The following ZNF567 variants were observed in gnomAD, a reference collection of about 807,000 sequenced individuals.
The protein encoded by ZNF567 is zinc finger protein 567.
In ZNF567, 36 loss-of-function variants were observed where a neutral mutation model predicts 53.9. The ratio of observed to expected loss-of-function variants is 0.67; its 90% CI spans 0.51 to 0.88. The LOEUF (loss-of-function observed/expected upper bound fraction) is 0.88. ZNF567 is among the 40% of genes least tolerant of loss of function. The pLI, the probability that ZNF567 is intolerant of heterozygous loss-of-function variation, is 0.00. For missense variants in ZNF567, 619 were observed against 764.7 expected, an observed-to-expected ratio of 0.81 and a Z score of 2.25; for synonymous variants, 224 against 260.4, an observed-to-expected ratio of 0.86 and a Z score of 1.35.
At chr19:36,668,353 G>T in the ZNF567 span, 1 of 152,328 alleles carries the variant, frequency 6.6e-6, no homozygotes, top group African/African-American at 2.4e-5. Flanking sequence ...GGTGATACGT[G>T]ATGTGGCTTA....
At chr19:36,691,426 C>T (rs889558482) in intron 2 of ZNF567, among the ~76,000 whole-genome samples, 7 of 151,850 alleles carry the variant, frequency 4.6e-5, no homozygotes, top group African/African-American at 1.5e-4. Context: ...TTGGCCTCCT[C>T]AGGTGCTGGG....
In ZNF567 at chr19:36,720,518, C is replaced by T; in HGVS notation, c.1794C>T (p.Phe598=). 1 of 1,614,044 alleles carries T rather than the reference C, an allele frequency of 6.2e-7. No individual in the cohort carries two copies. The highest frequency in any genetic ancestry group is 8.5e-7 in the Non-Finnish European group (1 of 1,179,990). The change falls in exon 6 of 6, where the codon TTC becomes TTT. Residue 598 remains phenylalanine, a synonymous_variant. Coordinates refer to ENST00000682579, the MANE Select transcript of ZNF567 (RefSeq NM_001322917.1). ...AATGTAGTGAATGTGGAAAGTGCTTCCGCCAGAAGACAAATCTTATTGTAC... is the reference window on the plus strand; with the variant it reads ...AATGTAGTGAATGTGGAAAGTGCTTTCGCCAGAAGACAAATCTTATTGTAC... The part of the protein sequence containing the change: ...PYKCSECGKC[F]RQKTNLIVHQ...
chr19:36,683,201 T>G (rs1278527539), upstream of ZNF567, among the ~76,000 whole-genome samples: 19 of 151,786 alleles, frequency 1.3e-4, no homozygotes, highest in East Asian at 3.7e-3. Flanking sequence ...GCCTCCCAAG[T>G]AGCTAGGACT....
Position 36,701,747 on chromosome 19 carries a change from C to T in ZNF567, c.9+6871C>T, listed in dbSNP as rs371781731. 2.2e-3 allele frequency among the ~76,000 whole-genome samples: 324 copies of T among 147,792 alleles called. 8 individuals carry two copies. In the East Asian group the frequency reaches 0.057, roughly 26 times the overall value. ...GTTTTATCAGAGACTAGGATTGCAA[C>T]CCCTGCCTTTTTTTGTTTTCCATTT... On this transcript the variant is annotated intron_variant, in intron 3 of 5. Transcript: ENST00000682579.
intron 5 of ZNF567, among the ~76,000 whole-genome samples, chr19:36,716,817 C>A (rs911894061): frequency 6.6e-6 from 1 of 152,154 alleles, no homozygotes; most frequent in Non-Finnish European, 1.5e-5. Context: ...TATGAGTATG[C>A]AGTGATCATG....
At chr19:36,702,948 C>T (rs2039285345) in intron 3 of ZNF567, among the ~76,000 whole-genome samples, 1 of 152,218 alleles carries the variant, frequency 6.6e-6, no homozygotes, top group Admixed American at 6.5e-5. Flanking sequence ...CTCCGTCCAG[C>T]TTTGTTCTGT....
Position 36,712,406 on chromosome 19 carries a change from T to C in ZNF567, c.30T>C (p.Asp10=), listed in dbSNP as rs1046733384. 5.6e-6 allele frequency: 9 copies of C among 1,613,854 alleles called. No homozygotes were observed. The highest frequency in any genetic ancestry group is 1.3e-5 in the African/African-American group (1 of 74,922). Residue 10 remains aspartate (D), a synonymous_variant, in exon 4 of 6, where the codon GAT becomes GAC. Coordinates refer to ENST00000682579, the MANE Select transcript of ZNF567 (RefSeq NM_001322917.1). Reference sequence around the variant, plus strand: ...TCTAGGGATCAGTGTCTTTCAATGATGTGACTGTGGACTTCACTCAGGAGG... The same window carrying C: ...TCTAGGGATCAGTGTCTTTCAATGACGTGACTGTGGACTTCACTCAGGAGG... MAQGSVSFN[D]VTVDFTQEEW...
chr19:36,674,051 A>G, the ZNF567 span, among the ~76,000 whole-genome samples: 1 of 152,206 alleles, frequency 6.6e-6, no homozygotes, highest in Non-Finnish European at 1.5e-5. Flanking sequence ...CATTAGGATT[A>G]TGGGTTCTAT....
chr19:36,703,678 C>G (rs1444158093), intron 3 of ZNF567: 4 of 163,994 alleles, frequency 2.4e-5, no homozygotes, highest in African/African-American at 7.2e-5. Flanking sequence ...GCAGTTTGAT[C>G]TCAGACTGCT....
chr19:36,726,135 A>G (rs554458728), downstream of ZNF567, among the ~76,000 whole-genome samples: 3 of 152,028 alleles, frequency 2.0e-5, no homozygotes, highest in East Asian at 5.8e-4. Context: ...GTTATTTTGT[A>G]TGTCTTCTAA....
chr19:36,676,254 C>T, the ZNF567 span, among the ~76,000 whole-genome samples: 4 of 150,974 alleles, frequency 2.6e-5, no homozygotes, highest in Admixed American at 6.6e-5. Context: ...TTAGTTGAGA[C>T]GGGGTTTCAC....
chr19:36,675,404 G>T, the ZNF567 span, among the ~76,000 whole-genome samples: 5 of 152,152 alleles, frequency 3.3e-5, no homozygotes, highest in African/African-American at 1.2e-4. Flanking sequence ...GCCAGGCGCA[G>T]TGGCTCACGC....
chr19:36,722,415 C>A (rs893934334), downstream of ZNF567, among the ~76,000 whole-genome samples: 2 of 152,126 alleles, frequency 1.3e-5, no homozygotes, highest in African/African-American at 4.8e-5. Context: ...GATTCTCCTA[C>A]CTCAGCCTCC....
intron 3 of ZNF567, among the ~76,000 whole-genome samples, chr19:36,701,930 G>A (rs1260566207): frequency 6.6e-6 from 1 of 151,188 alleles, no homozygotes; most frequent in South Asian, 2.1e-4. Context: ...TACATTTAAG[G>A]TTAATATTGT....
chr19:36,726,002 T>A (rs1435900297), downstream of ZNF567, among the ~76,000 whole-genome samples: 1 of 152,216 alleles, frequency 6.6e-6, no homozygotes, highest in African/African-American at 2.4e-5. Context: ...TCTCTCTTGT[T>A]CAGATTGGGT....
the ZNF567 span, among the ~76,000 whole-genome samples, chr19:36,673,526 G>A: frequency 2.0e-5 from 3 of 152,150 alleles, no homozygotes; most frequent in Admixed American, 6.5e-5. Context: ...TGAGCAAGAG[G>A]GAATTGTGTT....
chr19:36,690,999 A>T (rs577985812), intron 2 of ZNF567, among the ~76,000 whole-genome samples: 2 of 152,322 alleles, frequency 1.3e-5, no homozygotes, highest in African/African-American at 4.8e-5. Context: ...TGGAAAGTGT[A>T]AAGAAATAAT....
rs907261772 is a variant in ZNF567, at chr19:36,694,180, T to C, written c.-66-622T>C. On this transcript the variant is annotated intron_variant, in intron 2 of 5. Coordinates refer to ENST00000682579, the MANE Select transcript of ZNF567 (RefSeq NM_001322917.1). ...CAGCCTGGATGGCAGAGTATGACAC[T>C]GTCTCTAAAAGAGAAAAATTATTTG... Among the ~76,000 whole-genome samples the C allele has an allele frequency of 5.3e-5, 8 of 152,274 alleles. No homozygotes were observed. In the East Asian group the frequency reaches 1.5e-3, roughly 29 times the overall value.
downstream of ZNF567, among the ~76,000 whole-genome samples, chr19:36,725,149 G>A (rs1056554155): frequency 6.6e-6 from 1 of 151,750 alleles, no homozygotes; most frequent in Non-Finnish European, 1.5e-5. Context: ...TAAAAATATG[G>A]TATTTCTGTC....
Sources: gnomAD v4.1 joint callset for allele counts (sites outside exome capture counted in the v4.1 genomes callset) on GRCh38, gnomAD v4.1.1 for gene constraint, MANE v1.5 for transcripts, NCBI Gene and HGNC (gene_info 2026-07-23, HGNC 2026-07-21) for gene names.